Variants in KCNIP4 observed in about 807,000 individuals in gnomAD.
KCNIP4 encodes the protein Kv channel-interacting protein 4.
In KCNIP4, 12 loss-of-function variants were observed where a neutral mutation model predicts 34.0. That is an observed-to-expected ratio of 0.35 (90% CI 0.23 to 0.57). The LOEUF is 0.57. KCNIP4 is among the 20% of genes least tolerant of loss of function. The pLI is 0.83. For synonymous variants in KCNIP4, 124 were observed against 102.2 expected (o/e 1.21, Z -1.29); for missense variants, 238 against 311.7 (o/e 0.76, Z 1.78).
At chr4:21,194,861 G>A (rs376895848) in intron 1 of KCNIP4, among the ~76,000 whole-genome samples, 1 of 152,106 alleles carries the variant, frequency 6.6e-6, no homozygotes, top group East Asian at 1.9e-4. Context: ...GTCATGTTAA[G>A]GCACTGTTAT....
At chr4:21,531,217 T>C (rs927879132) in intron 1 of KCNIP4, among the ~76,000 whole-genome samples, 6 of 152,062 alleles carry the variant, frequency 3.9e-5, no homozygotes, top group Non-Finnish European at 8.8e-5. Context: ...TCTTGCCTCA[T>C]CTAGAATTAG....
chr4:21,171,435 C>T (rs1182430384), intron 1 of KCNIP4, among the ~76,000 whole-genome samples: 1 of 152,046 alleles, frequency 6.6e-6, no homozygotes, highest in Non-Finnish European at 1.5e-5. Context: ...GTGGCTGTAC[C>T]CAAGAATTCA....
At chr4:21,207,138 A>G (rs1756907976) in intron 1 of KCNIP4, among the ~76,000 whole-genome samples, 1 of 151,606 alleles carries the variant, frequency 6.6e-6, no homozygotes, top group South Asian at 2.2e-4. Flanking sequence ...AATTTTACAG[A>G]AAGAAGAGAA....
intron 1 of KCNIP4, among the ~76,000 whole-genome samples, chr4:21,880,420 T>C (rs778766528): frequency 3.3e-5 from 5 of 152,182 alleles, no homozygotes; most frequent in Non-Finnish European, 5.9e-5. Context: ...TATAAGAATG[T>C]CTGTATCTCC....
intron 1 of KCNIP4, among the ~76,000 whole-genome samples, chr4:21,586,539 G>A (rs1410085665): frequency 6.6e-6 from 1 of 152,072 alleles, no homozygotes; most frequent in South Asian, 2.1e-4. Flanking sequence ...AAAATCAAAG[G>A]AAGGTGTGAC....
intron 1 of KCNIP4, among the ~76,000 whole-genome samples, chr4:21,588,301 G>C (rs187831106): frequency 6.6e-6 from 1 of 152,082 alleles, no homozygotes; most frequent in East Asian, 1.9e-4. Flanking sequence ...ATGGGTGCTA[G>C]GCAATTACCA....
intron 1 of KCNIP4, among the ~76,000 whole-genome samples, chr4:21,343,773 T>C (rs1156774667): frequency 6.6e-6 from 1 of 152,106 alleles, no homozygotes; most frequent in Non-Finnish European, 1.5e-5. Flanking sequence ...CGCAGGCTCT[T>C]TTTTGCCACA....
intron 1 of KCNIP4, among the ~76,000 whole-genome samples, chr4:21,452,870 G>C (rs1240407735): frequency 8.0e-5 from 1 of 12,500 alleles, no homozygotes; most frequent in African/African-American, 9.7e-4. Context: ...CAGGGTAAAG[G>C]CTGTATGCCT....
At chr4:21,219,794 A>G (rs1338440693) in intron 1 of KCNIP4, among the ~76,000 whole-genome samples, 4 of 152,104 alleles carry the variant, frequency 2.6e-5, no homozygotes, top group African/African-American at 9.7e-5. Context: ...GGAAAACTTT[A>G]GTTTTAAAAT....
At chr4:21,691,848 G>A (rs1421408085) in intron 1 of KCNIP4, among the ~76,000 whole-genome samples, 1 of 151,782 alleles carries the variant, frequency 6.6e-6, no homozygotes, top group Admixed American at 6.6e-5. Context: ...ACAGGCACCC[G>A]CCACCATGCG....
At chr4:20,843,988 A>G (rs1720069125) in intron 3 of KCNIP4, among the ~76,000 whole-genome samples, 1 of 152,234 alleles carries the variant, frequency 6.6e-6, no homozygotes, top group Admixed American at 6.5e-5. Flanking sequence ...TTGTACATAG[A>G]AGAATAAGGA....
At chr4:21,837,107 T>TG (rs1183180164) in intron 1 of KCNIP4, among the ~76,000 whole-genome samples, 4 of 150,254 alleles carry the variant, frequency 2.7e-5, no homozygotes, top group Non-Finnish European at 4.5e-5. Flanking sequence ...TTAGTAGAGA[T>TG]GGGGTTTCAC....
chr4:21,149,097 G>A lies in KCNIP4; in HGVS notation c.62-266388C>T, dbSNP rs145598526. Reference sequence around the variant, plus strand: ...CCCTAAATTTGAAATGTTCTCAAAAGCCTAAATGCAGAAAAAGGCTAAGAA... The same window carrying A: ...CCCTAAATTTGAAATGTTCTCAAAAACCTAAATGCAGAAAAAGGCTAAGAA... On this transcript the variant is annotated intron_variant, in intron 1 of 8. Coordinates refer to ENST00000382152, the MANE Select transcript of KCNIP4 (RefSeq NM_025221.6). 8.5e-3 allele frequency among the ~76,000 whole-genome samples: 1,291 copies of A among 152,188 alleles called. 8 individuals carry two copies. The highest frequency in any genetic ancestry group is 0.011 in the Non-Finnish European group (740 of 68,000).
At chr4:21,623,843 A>G (rs775216627) in intron 1 of KCNIP4, among the ~76,000 whole-genome samples, 10 of 152,236 alleles carry the variant, frequency 6.6e-5, no homozygotes, top group Non-Finnish European at 1.3e-4. Flanking sequence ...CAGAAATACC[A>G]GCTTAGTAGT....
chr4:21,751,688 G>A (rs1000169765), intron 1 of KCNIP4, among the ~76,000 whole-genome samples: 24 of 150,956 alleles, frequency 1.6e-4, no homozygotes, highest in African/African-American at 5.3e-4. Flanking sequence ...TGCCTGCCAG[G>A]TAATGTGTCC....
chr4:21,445,868 T>C (rs998394692), intron 1 of KCNIP4, among the ~76,000 whole-genome samples: 2 of 152,142 alleles, frequency 1.3e-5, no homozygotes, highest in African/African-American at 4.8e-5. Flanking sequence ...TTTTGCAATC[T>C]ACTCATCTGA....
At position 20,749,155 on chromosome 4, in the gene KCNIP4, C is replaced by CA. The variant is rs1553888859; in HGVS notation, c.429+506dup. Reference sequence around the variant, plus strand: ...CCTTTATGACAGAGCGAGACTCTTTCAAAAAAAAAAAAAAAAATACGTTCT... The same window carrying CA: ...CCTTTATGACAGAGCGAGACTCTTTCAAAAAAAAAAAAAAAAAATACGTTCT... On this transcript the variant is annotated intron_variant, in intron 5 of 8. Coordinates refer to ENST00000382152, the MANE Select transcript of KCNIP4 (RefSeq NM_025221.6). Among the ~76,000 whole-genome samples the CA allele has an allele frequency of 4.1e-3, 533 of 128,966 alleles. 2 individuals are homozygous for CA. Among genetic ancestry groups the CA allele is most frequent in the Admixed American group, 9.1e-3 (112 of 12,374 alleles). 84.6% of individuals were successfully genotyped at this position (128,966 alleles called of 152,430 possible). A position where few individuals can be genotyped will look rare whatever the true frequency, so the allele number is the denominator to read the frequency against.
intron 1 of KCNIP4, among the ~76,000 whole-genome samples, chr4:20,991,646 C>T (rs542647758): frequency 4.6e-5 from 7 of 152,244 alleles, no homozygotes; most frequent in South Asian, 2.1e-4. Context: ...ATCCTACCTC[C>T]GTGGTCCACC....
intron 2 of KCNIP4, among the ~76,000 whole-genome samples, chr4:20,881,604 G>A (rs983215586): frequency 1.4e-4 from 22 of 152,090 alleles, no homozygotes; most frequent in Admixed American, 9.2e-4. Flanking sequence ...AAAATAAGCT[G>A]AGGATTTCCT....
Sources: gnomAD v4.1 joint callset for allele counts (sites outside exome capture counted in the v4.1 genomes callset) on GRCh38, gnomAD v4.1.1 for gene constraint, MANE v1.5 for transcripts, NCBI Gene and HGNC (gene_info 2026-07-23, HGNC 2026-07-21) for gene names.